The following CHD6 variants were observed in gnomAD, a reference collection of about 807,000 sequenced individuals.
The protein encoded by CHD6 is chromodomain helicase DNA binding protein 6.
CHD6 carries 50 observed loss-of-function variants against 276.9 expected under a neutral mutation model. The observed-to-expected ratio is 0.18, with a 90% CI of 0.14 to 0.23. The LOEUF is 0.23. Among genes scored for constraint, CHD6 ranks in the 10% least tolerant of loss-of-function variants. The pLI is 1.00. For missense variants in CHD6, 2,564 were observed against 3,365.8 expected, an observed-to-expected ratio of 0.76 and a Z score of 5.89; for synonymous variants, 1,173 against 1,229.3, an observed-to-expected ratio of 0.95 and a Z score of 0.96.
chr20:41,423,548 T>C lies in CHD6; in HGVS notation c.4499A>G (p.Tyr1500Cys), dbSNP rs768785395. ...KSDESLEQYF[Y>C]SFVAMCRNVC... Reference sequence around the variant, plus strand: ...ATTCCGGCACATGGCCACAAAACTATAAAAATACTGTTCCAGGCTCTCATC... The same window carrying C: ...ATTCCGGCACATGGCCACAAAACTACAAAAATACTGTTCCAGGCTCTCATC... Residue 1500 changes from tyrosine to cysteine, a missense_variant, in exon 30 of 37, where the codon TAT (tyrosine) becomes TGT (cysteine). Tyr to Cys is a radical substitution (Grantham distance 194). Transcript: ENST00000373233. 8.7e-6 allele frequency: 14 copies of C among 1,614,136 alleles called. No individual in the cohort carries two copies. The South Asian group carries it at 1.2e-4, about 14-fold the overall frequency.
chr20:41,547,520 ACCCCTGGGT>A (rs772133561), intron 2 of CHD6: 32 of 429,902 alleles, frequency 7.4e-5, no homozygotes, highest in Non-Finnish European at 1.2e-4. Flanking sequence ...CCAGGATAAG[ACCCCTGGGT>A]CTGTCTCCCA....
At chr20:41,448,972 G>A (rs1257355568) in intron 23 of CHD6, among the ~76,000 whole-genome samples, 1 of 151,758 alleles carries the variant, frequency 6.6e-6, no homozygotes, top group Non-Finnish European at 1.5e-5. Flanking sequence ...CGCGATCTTG[G>A]CTCACTGCAA....
chr20:41,461,216 C>T (rs564230508), intron 17 of CHD6, among the ~76,000 whole-genome samples: 75 of 152,276 alleles, frequency 4.9e-4, no homozygotes, highest in African/African-American at 1.7e-3. Flanking sequence ...AAGGGACTTG[C>T]CTTGTCTCAG....
chr20:41,430,366 T>G (rs1321750375), intron 27 of CHD6, among the ~76,000 whole-genome samples: 1 of 152,240 alleles, frequency 6.6e-6, no homozygotes, highest in Non-Finnish European at 1.5e-5. Context: ...TTATTTTTAT[T>G]GATTCTGCCA....
At position 41,493,542 on chromosome 20, in the gene CHD6, T is replaced by C; in HGVS notation, c.1310A>G (p.His437Arg). Reference protein sequence around the residue: ...ESLQVLPEIKHVERPASDSWQ... With the variant: ...ESLQVLPEIKRVERPASDSWQ... ...AGAGAGACAAAACTACTTTACCACA[T>C]GCTTAATTTCAGGGAGAACTTGAAG... The change falls in exon 10 of 37, where the codon CAT becomes CGT. Residue 437 changes from histidine to arginine, a missense_variant. By Grantham distance (29) the His-to-Arg change is conservative. Around this residue, in one of 7 missense-constraint regions of CHD6, gnomAD observed 457 missense variants for 889.0 expected, o/e 0.51. Coordinates refer to ENST00000373233, the MANE Select transcript of CHD6 (RefSeq NM_032221.5). 1.2e-6 allele frequency: 2 copies of C among 1,613,774 alleles called. No homozygotes were observed. Among genetic ancestry groups the C allele is most frequent in the South Asian group, 1.1e-5 (1 of 91,002 alleles).
intron 1 of CHD6, among the ~76,000 whole-genome samples, chr20:41,566,185 T>C (rs1045704188): frequency 6.6e-6 from 1 of 152,126 alleles, no homozygotes; most frequent in Non-Finnish European, 1.5e-5. Flanking sequence ...ATGACTCTAA[T>C]AGGCAGCCAG....
intron 1 of CHD6, among the ~76,000 whole-genome samples, chr20:41,610,381 T>C (rs777924317): frequency 3.5e-4 from 53 of 152,080 alleles, no homozygotes; most frequent in Admixed American, 9.2e-4. Context: ...TTTTTAAACA[T>C]ATTGGAAAGG....
chr20:41,465,952 C>T (rs2042910233), intron 17 of CHD6, among the ~76,000 whole-genome samples: 1 of 152,096 alleles, frequency 6.6e-6, no homozygotes, highest in African/African-American at 2.4e-5. Flanking sequence ...CGACTGTAAT[C>T]CCAGCACTTT....
intron 3 of CHD6, among the ~76,000 whole-genome samples, chr20:41,530,634 T>C (rs772071736): frequency 6.6e-6 from 1 of 152,172 alleles, no homozygotes; most frequent in Admixed American, 6.5e-5. Flanking sequence ...TGCCTACCAG[T>C]AGGATCACTA....
chr20:41,599,001 C>G (rs541905847), intron 1 of CHD6, among the ~76,000 whole-genome samples: 1 of 152,276 alleles, frequency 6.6e-6, no homozygotes, highest in Non-Finnish European at 1.5e-5. Flanking sequence ...CGGAGTTCCA[C>G]GAGGAGTGTT....
At chr20:41,548,071 T>C (rs1173395210) in intron 2 of CHD6, 1 of 192,292 alleles carries the variant, frequency 5.2e-6, no homozygotes, top group East Asian at 1.4e-4. Context: ...GAGCCTCTTC[T>C]CTATTAGGCA....
chr20:41,486,228 G>C (rs903323227), intron 14 of CHD6: 5 of 152,116 alleles, frequency 3.3e-5, no homozygotes, highest in Non-Finnish European at 7.4e-5. Context: ...CCTTCTCTTG[G>C]TTCATACCTT....
At chr20:41,533,991 TG>T (rs2044759960) in intron 2 of CHD6, among the ~76,000 whole-genome samples, 1 of 152,224 alleles carries the variant, frequency 6.6e-6, no homozygotes. Context: ...ATCCCTAAAA[TG>T]GAAGTTGCAA....
intron 3 of CHD6, among the ~76,000 whole-genome samples, chr20:41,516,135 G>T (rs1286704984): frequency 9.9e-5 from 15 of 151,744 alleles, no homozygotes; most frequent in Admixed American, 9.8e-4. Flanking sequence ...TATTGCCTTT[G>T]CTCTTCACAA....
At chr20:41,568,564 GA>G (rs2045384029) in intron 1 of CHD6, among the ~76,000 whole-genome samples, 1 of 152,188 alleles carries the variant, frequency 6.6e-6, no homozygotes, top group Non-Finnish European at 1.5e-5. Flanking sequence ...TCTATAATTG[GA>G]AAACAGCTCC....
chr20:41,533,258 G>C lies in CHD6; in HGVS notation c.346C>G (p.Pro116Ala). 1 of 1,613,528 alleles carries C rather than the reference G, an allele frequency of 6.2e-7. No homozygotes were observed. Among genetic ancestry groups the C allele is most frequent in the South Asian group, 1.1e-5 (1 of 91,016 alleles). ...GGTTCTCGTTTCCTCTTTGGCTTGG[G>C]CTCTCTGTCCTTGCTTCCCTTTGCT... ...GAAKGSKDRE[P>A]KPKRKREPKE... Residue 116 changes from proline (P) to alanine (A), a missense_variant, in exon 3 of 37, where the codon CCC becomes GCC. This residue lies in a region of CHD6 where 286 missense variants were observed against 297.8 expected (regional missense o/e 0.96). Transcript: ENST00000373233.
intron 3 of CHD6, among the ~76,000 whole-genome samples, chr20:41,520,099 C>T (rs1268539784): frequency 3.3e-5 from 5 of 152,086 alleles, no homozygotes; most frequent in African/African-American, 7.2e-5. Flanking sequence ...ATGAGAGAAA[C>T]GCAAATCAAA....
chr20:41,554,377 T>TTTA (rs2045189861), intron 1 of CHD6, among the ~76,000 whole-genome samples: 2 of 150,094 alleles, frequency 1.3e-5, no homozygotes, highest in African/African-American at 4.9e-5. Context: ...CACTTTTATT[T>TTTA]TTTATTTATT....
At position 41,440,061 on chromosome 20, in the gene CHD6, C is replaced by A. The variant is rs772561942; in HGVS notation, c.3946G>T (p.Asp1316Tyr). ...LCFLEKVGMP[D>Y]EKSLSAEQGV... ...TGTTCTGCAGAAAGGGACTTCTCAT[C>A]GGGCATCCCAACTTTCTCCAGGAAG... Residue 1316 changes from aspartate (D) to tyrosine (Y), a missense_variant, in exon 26 of 37, where the codon GAT becomes TAT. Transcript: ENST00000373233. 1 of 1,613,820 alleles carries A rather than the reference C, an allele frequency of 6.2e-7. No individual in the cohort carries two copies. The highest frequency in any genetic ancestry group is 1.7e-5 in the Admixed American group (1 of 59,996).
Sources: allele counts gnomAD v4.1 joint callset (sites outside exome capture counted in the v4.1 genomes callset), GRCh38; gene constraint gnomAD v4.1.1; regional missense constraint gnomAD v4.1.1; transcripts MANE v1.5; gene names NCBI Gene and HGNC (gene_info 2026-07-23, HGNC 2026-07-21).